Variants in HYAL4 observed in about 807,000 individuals in gnomAD.
HYAL4 encodes hyaluronidase-4.
Under a neutral mutation model 35.2 loss-of-function variants are expected in HYAL4, and 37 were observed. The ratio of observed to expected loss-of-function variants is 1.05; its 90% CI spans 0.81 to 1.38. The LOEUF (loss-of-function observed/expected upper bound fraction) is 1.38, where lower values mean the gene tolerates loss of function less well. Ranked by LOEUF, HYAL4 falls within the 40% of genes most tolerant of loss-of-function variation. The pLI, the probability that HYAL4 is intolerant of heterozygous loss-of-function variation, is 0.00. For missense variants in HYAL4, 572 were observed against 572.4 expected (o/e 1.00, Z 0.01); for synonymous variants, 198 against 203.2 (o/e 0.97, Z 0.22).
chr7:123,779,845 T>C, the HYAL4 span, among the ~76,000 whole-genome samples: 2 of 152,162 alleles, frequency 1.3e-5, no homozygotes, highest in Non-Finnish European at 2.9e-5. Context: ...ACTTTTAAAA[T>C]ATGAGTACTC....
chr7:123,859,355 G>C (rs995366059), intron 2 of HYAL4, among the ~76,000 whole-genome samples: 1 of 152,006 alleles, frequency 6.6e-6, no homozygotes, highest in Non-Finnish European at 1.5e-5. Flanking sequence ...ATAATTCACC[G>C]GTATTGTGCA....
intron 1 of HYAL4, among the ~76,000 whole-genome samples, chr7:123,832,592 C>T (rs547725966): frequency 7.0e-6 from 1 of 143,048 alleles, no homozygotes; most frequent in Non-Finnish European, 1.5e-5. Context: ...CTCCACCTCC[C>T]GGGTTCACAT....
chr7:123,875,932 T>C (rs1807010108), intron 4 of HYAL4: 1 of 429,462 alleles, frequency 2.3e-6, no homozygotes, highest in Admixed American at 2.7e-5. Context: ...TCTCAATTTG[T>C]TGCTACTGAG....
chr7:123,799,985 A>AC, the HYAL4 span, among the ~76,000 whole-genome samples: 1 of 150,434 alleles, frequency 6.6e-6, no homozygotes, highest in Admixed American at 6.6e-5. Flanking sequence ...ACATGGTGAA[A>AC]CCCCGCCTCT....
intron 2 of HYAL4, among the ~76,000 whole-genome samples, chr7:123,862,408 T>C (rs962421346): frequency 6.6e-6 from 1 of 152,064 alleles, no homozygotes; most frequent in African/African-American, 2.4e-5. Context: ...AAAAAAGAAA[T>C]AGAAGACATG....
At chr7:123,822,822 A>G in the HYAL4 span, among the ~76,000 whole-genome samples, 1 of 152,144 alleles carries the variant, frequency 6.6e-6, no homozygotes, top group Non-Finnish European at 1.5e-5. Flanking sequence ...AAAACTAGCC[A>G]GGTGTGTTGG....
At chr7:123,797,328 G>A in the HYAL4 span, among the ~76,000 whole-genome samples, 1 of 152,150 alleles carries the variant, frequency 6.6e-6, no homozygotes, top group African/African-American at 2.4e-5. Flanking sequence ...CTATAATAAA[G>A]TGTCAGGGTA....
chr7:123,822,667 G>A, the HYAL4 span, among the ~76,000 whole-genome samples: 1 of 152,160 alleles, frequency 6.6e-6, no homozygotes, highest in Non-Finnish European at 1.5e-5. Context: ...GAATAGAAGT[G>A]GTCAGAGTTG....
At chr7:123,872,961 G>T (rs1474500585) in intron 3 of HYAL4, among the ~76,000 whole-genome samples, 1 of 152,204 alleles carries the variant, frequency 6.6e-6, no homozygotes, top group Non-Finnish European at 1.5e-5. Flanking sequence ...AAATGTAAAT[G>T]TTATGTCCTT....
the HYAL4 span, among the ~76,000 whole-genome samples, chr7:123,822,631 C>T: frequency 6.6e-6 from 1 of 152,084 alleles, no homozygotes; most frequent in Non-Finnish European, 1.5e-5. Context: ...CCTAATTGCT[C>T]TAGCTAGGAC....
At chr7:123,809,670 ATTAC>A in the HYAL4 span, among the ~76,000 whole-genome samples, 1 of 151,938 alleles carries the variant, frequency 6.6e-6, no homozygotes, top group East Asian at 1.9e-4. Flanking sequence ...AAGTGCTGGT[ATTAC>A]TTGTGTGAGC....
chr7:123,831,831 T>G (rs1454321743), intron 1 of HYAL4, among the ~76,000 whole-genome samples: 1 of 152,124 alleles, frequency 6.6e-6, no homozygotes, highest in African/African-American at 2.4e-5. Flanking sequence ...CAAGTGAGAG[T>G]GCATCTGTAG....
At chr7:123,815,399 G>C in the HYAL4 span, among the ~76,000 whole-genome samples, 2 of 152,072 alleles carry the variant, frequency 1.3e-5, no homozygotes, top group Admixed American at 1.3e-4. Flanking sequence ...AATCAAAAAC[G>C]TGCAACATAG....
At chr7:123,819,647 A>G in the HYAL4 span, among the ~76,000 whole-genome samples, 1 of 152,104 alleles carries the variant, frequency 6.6e-6, no homozygotes, top group Non-Finnish European at 1.5e-5. Flanking sequence ...CTAATCAGAC[A>G]GCTAAGTGAG....
chr7:123,862,964 A>G (rs774544274), intron 2 of HYAL4, among the ~76,000 whole-genome samples: 1 of 152,166 alleles, frequency 6.6e-6, no homozygotes, highest in Non-Finnish European at 1.5e-5. Context: ...TGACCTCTTC[A>G]AAGGTCTTTA....
chr7:123,864,616 G>C (rs528450431), intron 2 of HYAL4, among the ~76,000 whole-genome samples: 1 of 152,084 alleles, frequency 6.6e-6, no homozygotes, highest in South Asian at 2.1e-4. Flanking sequence ...AGAGCTCAGC[G>C]GTGGGGATTT....
chr7:123,789,957 C>A, the HYAL4 span, among the ~76,000 whole-genome samples: 1 of 152,000 alleles, frequency 6.6e-6, no homozygotes. Context: ...TTGAATCACA[C>A]AATTATGGGG....
the HYAL4 span, among the ~76,000 whole-genome samples, chr7:123,780,870 C>T: frequency 7.5e-6 from 1 of 133,430 alleles, no homozygotes; most frequent in Non-Finnish European, 1.6e-5. Flanking sequence ...TTGAAGGCAG[C>T]ACGCTCCTTA....
the HYAL4 span, among the ~76,000 whole-genome samples, chr7:123,786,964 C>T: frequency 3.0e-4 from 46 of 151,674 alleles, 1 homozygote; most frequent in Admixed American, 9.9e-4. Flanking sequence ...AAAAATTAGC[C>T]GGGCATGGTG....
Sources: gnomAD v4.1 joint callset for allele counts (sites outside exome capture counted in the v4.1 genomes callset) on GRCh38, gnomAD v4.1.1 for gene constraint, MANE v1.5 for transcripts, NCBI Gene and HGNC (gene_info 2026-07-23, HGNC 2026-07-21) for gene names.